Variants in DTNA observed in about 807,000 individuals in gnomAD.
DTNA encodes dystrobrevin alpha.
DTNA carries 43 observed loss-of-function variants against 100.7 expected under a neutral mutation model. That is an observed-to-expected ratio of 0.43 (90% CI 0.33 to 0.55). The LOEUF (loss-of-function observed/expected upper bound fraction) is 0.55. Ranked by LOEUF, DTNA falls within the 20% of genes least tolerant of loss-of-function variation. The probability of loss-of-function intolerance (pLI) is 0.04; values close to 1 mark genes in which losing one functional copy is unlikely to be tolerated. For missense variants in DTNA, 798 were observed against 953.9 expected, an observed-to-expected ratio of 0.84 and a Z score of 2.15; for synonymous variants, 349 against 347.9, an observed-to-expected ratio of 1.00 and a Z score of -0.04.
chr18:34,654,560 T>G (rs1158763660), intron 1 of DTNA, among the ~76,000 whole-genome samples: 1 of 152,114 alleles, frequency 6.6e-6, no homozygotes, highest in Admixed American at 6.6e-5. Context: ...TGCAACAAAG[T>G]TAAATATGAA....
At chr18:34,762,846 C>T (rs1331661367) in intron 2 of DTNA, among the ~76,000 whole-genome samples, 1 of 152,202 alleles carries the variant, frequency 6.6e-6, no homozygotes, top group Non-Finnish European at 1.5e-5. Context: ...TTGAACAAAA[C>T]ACAGGGTCAG....
intron 1 of DTNA, among the ~76,000 whole-genome samples, chr18:34,559,371 A>C (rs2046426410): frequency 6.6e-6 from 1 of 152,258 alleles, no homozygotes; most frequent in African/African-American, 2.4e-5. Context: ...AGAGAATTAA[A>C]GTATTCCAAA....
intron 1 of DTNA, among the ~76,000 whole-genome samples, chr18:34,556,551 T>G (rs1215610527): frequency 6.6e-6 from 1 of 152,164 alleles, no homozygotes; most frequent in Non-Finnish European, 1.5e-5. Context: ...CAGGAGCGCT[T>G]TTAGGGCAGG....
At chr18:34,845,778 A>T (rs2096366961) in intron 13 of DTNA, among the ~76,000 whole-genome samples, 1 of 152,222 alleles carries the variant, frequency 6.6e-6, no homozygotes, top group Non-Finnish European at 1.5e-5. Context: ...ATAAAGACAG[A>T]CATCTGCTTT....
intron 1 of DTNA, among the ~76,000 whole-genome samples, chr18:34,605,893 ACTACCCAAAAT>A (rs1270973960): frequency 1.3e-5 from 2 of 152,146 alleles, no homozygotes; most frequent in East Asian, 3.8e-4. Context: ...AATTCCAACT[ACTACCCAAAAT>A]CTCTCATTGA....
chr18:34,707,619 G>T (rs896719000), upstream of DTNA, among the ~76,000 whole-genome samples: 1 of 151,972 alleles, frequency 6.6e-6, no homozygotes, highest in Non-Finnish European at 1.5e-5. Context: ...AATTAGATAC[G>T]TGTAATGGCC....
At chr18:34,612,028 C>T (rs577123001) in intron 1 of DTNA, among the ~76,000 whole-genome samples, 6 of 152,278 alleles carry the variant, frequency 3.9e-5, no homozygotes, top group African/African-American at 1.4e-4. Context: ...ATTCTGTGGG[C>T]GGCACCCTTC....
At chr18:34,765,156 C>T (rs2093404289) in intron 2 of DTNA, among the ~76,000 whole-genome samples, 1 of 152,128 alleles carries the variant, frequency 6.6e-6, no homozygotes, top group Admixed American at 6.6e-5. Context: ...GCTTTTAGAC[C>T]TGATGTTCTG....
intron 1 of DTNA, among the ~76,000 whole-genome samples, chr18:34,627,147 G>C (rs1347158872): frequency 1.4e-5 from 2 of 147,564 alleles, no homozygotes; most frequent in African/African-American, 5.1e-5. Context: ...GAGTCTGAGA[G>C]TCAAAAAAAA....
intron 1 of DTNA, among the ~76,000 whole-genome samples, chr18:34,544,972 G>GT (rs1568623920): frequency 6.6e-6 from 1 of 152,038 alleles, no homozygotes; most frequent in African/African-American, 2.4e-5. Flanking sequence ...GTTTAATACT[G>GT]TGATTCCAAC....
chr18:34,871,311 A>G (rs150856889), intron 17 of DTNA, among the ~76,000 whole-genome samples: 1 of 152,364 alleles, frequency 6.6e-6, no homozygotes, highest in East Asian at 1.9e-4. Context: ...AAAAATGGAT[A>G]CAACAGCAAG....
chr18:34,738,552 GCTGGGC>G (rs2090062964), intron 1 of DTNA, among the ~76,000 whole-genome samples: 1 of 152,128 alleles, frequency 6.6e-6, no homozygotes, highest in Admixed American at 6.5e-5. Context: ...CAGCTTTGAA[GCTGGGC>G]TGGAGGCCAC....
intron 1 of DTNA, among the ~76,000 whole-genome samples, chr18:34,500,503 G>T (rs61498031): frequency 6.6e-6 from 1 of 150,608 alleles, no homozygotes; most frequent in East Asian, 1.9e-4. Flanking sequence ...TCATTCTGTC[G>T]CCCAGGCTGG....
chr18:34,752,173 G>C (rs2092380679), intron 1 of DTNA, among the ~76,000 whole-genome samples: 1 of 152,236 alleles, frequency 6.6e-6, no homozygotes, highest in Non-Finnish European at 1.5e-5. Flanking sequence ...CATGTGCCCT[G>C]TGGTACACAT....
chr18:34,742,629 T>TTCTATTCTCTATCTAGATAGATAGATAA (rs2090873231), intron 1 of DTNA, among the ~76,000 whole-genome samples: 1 of 137,688 alleles, frequency 7.3e-6, no homozygotes, highest in African/African-American at 2.8e-5. Flanking sequence ...TCTGATTATC[T>TTCTATTCTCTATCTAGATAGATAGATAA]TCTATTATCT....
At chr18:34,744,107 A>G (rs1308851045) in intron 1 of DTNA, among the ~76,000 whole-genome samples, 1 of 152,180 alleles carries the variant, frequency 6.6e-6, no homozygotes, top group African/African-American at 2.4e-5. Flanking sequence ...AATTAAGTAT[A>G]CTAATTCTGA....
chr18:34,654,385 T>C (rs1303565051), intron 1 of DTNA, among the ~76,000 whole-genome samples: 2 of 152,190 alleles, frequency 1.3e-5, no homozygotes, highest in African/African-American at 4.8e-5. Flanking sequence ...ATTATCTAAA[T>C]CAAAACTCAA....
chr18:34,647,554 G>T (rs918799354), intron 1 of DTNA, among the ~76,000 whole-genome samples: 6 of 152,208 alleles, frequency 3.9e-5, no homozygotes, highest in African/African-American at 1.4e-4. Context: ...GTGCCAGGAA[G>T]AGGAGAACAG....
chr18:34,685,988 T>C (rs893577136), intron 1 of DTNA, among the ~76,000 whole-genome samples: 6 of 152,368 alleles, frequency 3.9e-5, no homozygotes, highest in African/African-American at 1.4e-4. Flanking sequence ...ACATTGGTTT[T>C]GTATCCTGAC....
Sources: gnomAD v4.1 joint callset for allele counts (sites outside exome capture counted in the v4.1 genomes callset) on GRCh38, gnomAD v4.1.1 for gene constraint, MANE v1.5 for transcripts, NCBI Gene and HGNC (gene_info 2026-07-23, HGNC 2026-07-21) for gene names.